Variants in TMEM120B observed in about 807,000 individuals in gnomAD.
TMEM120B encodes transmembrane protein 120B.
Under a neutral mutation model 55.5 loss-of-function variants are expected in TMEM120B, and 31 were observed. That is an observed-to-expected ratio of 0.56 (90% CI 0.42 to 0.75). The LOEUF (loss-of-function observed/expected upper bound fraction) is 0.75, where lower values mean the gene tolerates loss of function less well. Ranked by LOEUF, TMEM120B falls within the 30% of genes least tolerant of loss-of-function variation. The pLI, the probability that TMEM120B is intolerant of heterozygous loss-of-function variation, is 0.00. For synonymous variants in TMEM120B, 203 were observed against 176.3 expected, an observed-to-expected ratio of 1.15 and a Z score of -1.20; for missense variants, 399 against 425.5, an observed-to-expected ratio of 0.94 and a Z score of 0.55.
At chr12:121,770,669 C>T (rs932613809) in intron 6 of TMEM120B, among the ~76,000 whole-genome samples, 6 of 152,048 alleles carry the variant, frequency 3.9e-5, no homozygotes, top group African/African-American at 1.4e-4. Context: ...CTGAGGGTTG[C>T]TGGAAACCAC....
intron 1 of TMEM120B, among the ~76,000 whole-genome samples, chr12:121,739,801 T>C (rs957999353): frequency 2.1e-5 from 3 of 141,818 alleles, no homozygotes; most frequent in African/African-American, 7.8e-5. Flanking sequence ...AACACTTCTT[T>C]TTTTTTTTTT....
At chr12:121,758,997 C>T (rs2137268367) in intron 5 of TMEM120B, 3 of 985,460 alleles carry the variant, frequency 3.0e-6, no homozygotes, top group East Asian at 1.1e-4. Flanking sequence ...GTTAGTGTTA[C>T]AGACAATATG....
chr12:121,754,779 C>T (rs1003649783), intron 5 of TMEM120B, among the ~76,000 whole-genome samples: 3 of 152,248 alleles, frequency 2.0e-5, no homozygotes, highest in South Asian at 4.1e-4. Flanking sequence ...TCCCAGTGGA[C>T]GTGAATTTTG....
At chr12:121,727,180 C>G (rs1411238901) in intron 1 of TMEM120B, among the ~76,000 whole-genome samples, 1 of 151,962 alleles carries the variant, frequency 6.6e-6, no homozygotes, top group African/African-American at 2.4e-5. Flanking sequence ...AGGGGTGCTG[C>G]TTAGTTCCTG....
chr12:121,743,581 C>G, intron 1 of TMEM120B, 48 bp from the exon 2 acceptor site: 1 of 1,362,628 alleles, frequency 7.3e-7, no homozygotes, highest in South Asian at 1.2e-5. Context: ...AGAAAATGAG[C>G]TGTTCATATT....
In TMEM120B at chr12:121,770,860, C is replaced by T. The variant is rs772833234; in HGVS notation, c.552-47C>T. 53 of 1,574,054 alleles carry T rather than the reference C, an allele frequency of 3.4e-5. No homozygotes were observed. In the Admixed American group the frequency reaches 6.4e-4, roughly 19 times the overall value. ...GGGGCCTCAGCGAGACACATGCCTG[C>T]GTTGCTCTCCCCTCCTGAGCACTTT... On this transcript the variant is annotated intron_variant, in intron 6 of 11. Coordinates refer to ENST00000449592, the MANE Select transcript of TMEM120B (RefSeq NM_001080825.2).
intron 1 of TMEM120B, among the ~76,000 whole-genome samples, chr12:121,723,119 T>TTTG (rs1316515868): frequency 6.6e-6 from 1 of 151,828 alleles, no homozygotes; most frequent in Non-Finnish European, 1.5e-5. Flanking sequence ...AGTGCTGGGA[T>TTTG]TACAGACATG....
Position 121,758,940 on chromosome 12 carries a change from C to T in TMEM120B, c.462-2709C>T, listed in dbSNP as rs891059677. Reference sequence around the variant, plus strand: ...TGTGGTCACCATGGAGGAGGACGGCCCAGCCCCGCGCTGTGGTCACCATGG... The same window carrying T: ...TGTGGTCACCATGGAGGAGGACGGCTCAGCCCCGCGCTGTGGTCACCATGG... On this transcript the variant is annotated intron_variant, in intron 5 of 11. Coordinates refer to ENST00000449592, the MANE Select transcript of TMEM120B (RefSeq NM_001080825.2). 6.1e-6 allele frequency: 6 copies of T among 984,946 alleles called. No homozygotes were observed. In the Admixed American group the frequency reaches 1.8e-4, roughly 30 times the overall value. The allele number at this position is 984,946 out of a possible 1,614,324, so 61.0% of individuals were successfully genotyped here. A position where few individuals can be genotyped will look rare whatever the true frequency, so the allele number is the denominator to read the frequency against.
chr12:121,774,048 C>T (rs147863265), intron 9 of TMEM120B, among the ~76,000 whole-genome samples: 20 of 150,674 alleles, frequency 1.3e-4, no homozygotes, highest in African/African-American at 3.9e-4. Flanking sequence ...CTCCGCCTCC[C>T]GGGTTCAAGT....
intron 1 of TMEM120B, among the ~76,000 whole-genome samples, chr12:121,727,218 C>CTCCAA (rs923070592): frequency 5.9e-5 from 9 of 151,666 alleles, no homozygotes; most frequent in African/African-American, 1.9e-4. Context: ...TTCAAGCAGC[C>CTCCAA]TCCAAGTCCC....
intron 10 of TMEM120B, 128 bp from the exon 11 acceptor site, chr12:121,774,934 G>T: frequency 1.7e-6 from 2 of 1,153,782 alleles, no homozygotes; most frequent in Non-Finnish European, 2.5e-6. Flanking sequence ...TTTCATTTTG[G>T]GGGTGTCTGT....
At chr12:121,761,287 C>T (rs1189565165) in intron 5 of TMEM120B, among the ~76,000 whole-genome samples, 6 of 152,112 alleles carry the variant, frequency 3.9e-5, no homozygotes, top group African/African-American at 9.7e-5. Flanking sequence ...CCAAGTCTCC[C>T]GTTCTTAAAG....
chr12:121,728,620 G>A (rs994679464), intron 1 of TMEM120B, among the ~76,000 whole-genome samples: 1 of 151,942 alleles, frequency 6.6e-6, no homozygotes, highest in African/African-American at 2.4e-5. Context: ...GCGCCCGGCC[G>A]ACACTCACTT....
At position 121,775,200 on chromosome 12, in the gene TMEM120B, T is replaced by G; in HGVS notation, c.906+70T>G. ...TGGGGTGGCAGGGATGGGGTGTATG[T>G]GTGGCATGCTGGGGTGCGGATTCCT... On this transcript the variant is annotated intron_variant, in intron 11 of 11. Transcript: ENST00000449592. This position sits in a 1 kb window ranked among gnomAD's most constrained non-coding sequence, Gnocchi z 4.3. 5.7e-6 allele frequency: 7 copies of G among 1,235,816 alleles called. No individual in the cohort carries two copies. The highest frequency in any genetic ancestry group is 2.1e-5 in the Admixed American group (1 of 47,928). The allele number at this position is 1,235,816 out of a possible 1,614,324, so 76.6% of individuals were successfully genotyped here.
At chr12:121,726,907 C>CATAAAAA in intron 1 of TMEM120B, among the ~76,000 whole-genome samples, 1 of 73,716 alleles carries the variant, frequency 1.4e-5, no homozygotes, top group Non-Finnish European at 2.8e-5. Flanking sequence ...GACTCTGTCT[C>CATAAAAA]AAAAAAAAAA....
intron 1 of TMEM120B, among the ~76,000 whole-genome samples, chr12:121,734,517 G>C (rs1284146828): frequency 2.2e-4 from 34 of 151,320 alleles, no homozygotes; most frequent in Non-Finnish European, 2.1e-4. Flanking sequence ...CTTGGCATCC[G>C]AAAGTGCTGG....
At chr12:121,746,129 G>C (rs1740290084) in intron 2 of TMEM120B, among the ~76,000 whole-genome samples, 1 of 151,962 alleles carries the variant, frequency 6.6e-6, no homozygotes, top group Non-Finnish European at 1.5e-5. Context: ...CCAAAGTGCT[G>C]GGATTACAGG....
rs1393884647 is a variant in TMEM120B at position 121,758,550 on chromosome 12, C to T, written c.462-3099C>T. 2.6e-5 allele frequency: 24 copies of T among 909,002 alleles called. No individual in the cohort carries two copies. In the Admixed American group the frequency reaches 8.0e-4, roughly 30 times the overall value. 56.3% of individuals were successfully genotyped at this position (909,002 alleles called of 1,614,324 possible). On this transcript the variant is annotated intron_variant, in intron 5 of 11. Coordinates refer to ENST00000449592, the MANE Select transcript of TMEM120B (RefSeq NM_001080825.2). ...AGGATGGCCTAGCTCCACGCTGTGG[C>T]CACCATGGAGGAGGACGGCCCAGCC...
chr12:121,773,754 G>A (rs574493344), intron 9 of TMEM120B, among the ~76,000 whole-genome samples: 5 of 114,280 alleles, frequency 4.4e-5, no homozygotes, highest in African/African-American at 1.7e-4. Context: ...ATTTTTTTGT[G>A]TGTGTTCTAG....
Sources: allele counts gnomAD v4.1 joint callset (sites outside exome capture counted in the v4.1 genomes callset), GRCh38; gene constraint gnomAD v4.1.1; non-coding constraint Gnocchi (gnomAD v3.1); transcripts MANE v1.5; gene names NCBI Gene and HGNC (gene_info 2026-07-23, HGNC 2026-07-21).